The following SYT1 variants were observed in gnomAD, a reference collection of about 807,000 sequenced individuals.
SYT1 encodes the protein synaptotagmin-1.
In SYT1, 8 loss-of-function variants were observed where a neutral mutation model predicts 44.8. The observed-to-expected ratio is 0.18, with a 90% CI of 0.10 to 0.32. The LOEUF (loss-of-function observed/expected upper bound fraction) is 0.32. Ranked by LOEUF, SYT1 falls within the 10% of genes least tolerant of loss-of-function variation. The pLI is 1.00. For missense variants in SYT1, 286 were observed against 509.3 expected (o/e 0.56, Z 4.22); for synonymous variants, 154 against 188.8 (o/e 0.82, Z 1.51).
At chr12:79,193,717 C>G (rs1463009744) in intron 3 of SYT1, among the ~76,000 whole-genome samples, 1 of 150,466 alleles carries the variant, frequency 6.6e-6, no homozygotes, top group East Asian at 1.9e-4. Context: ...AGTGAGAACC[C>G]CATCTCTAAG....
At chr12:79,367,582 C>G (rs954933087) in intron 9 of SYT1, among the ~76,000 whole-genome samples, 24 of 152,058 alleles carry the variant, frequency 1.6e-4, no homozygotes, top group Non-Finnish European at 2.9e-4. Flanking sequence ...TACATGCTTG[C>G]ATCCAAACAC....
intron 8 of SYT1, among the ~76,000 whole-genome samples, chr12:79,351,635 ATATTT>A (rs1882909168): frequency 6.6e-6 from 1 of 151,918 alleles, no homozygotes; most frequent in African/African-American, 2.4e-5. Flanking sequence ...AAATTTGTCC[ATATTT>A]TATATTAATT....
At chr12:79,149,416 T>C (rs1870124908) in intron 3 of SYT1, among the ~76,000 whole-genome samples, 1 of 152,188 alleles carries the variant, frequency 6.6e-6, no homozygotes, top group South Asian at 2.1e-4. Context: ...GATTTATTAA[T>C]CTGCAAGTTC....
rs1871018146 is a variant in SYT1 at position 79,450,842 on chromosome 12, G to C, written c.*1718G>C. The C allele has an allele frequency of 6.6e-6, 1 of 152,646 alleles. No homozygotes were observed. The highest frequency in any genetic ancestry group is 1.5e-5 in the Non-Finnish European group (1 of 68,046). The allele number at this position is 152,646 out of a possible 1,614,324, so 9.5% of individuals were successfully genotyped here. On this transcript the variant is annotated 3_prime_UTR_variant, in exon 11 of 11. Transcript: ENST00000261205. The stretch of plus-strand genomic sequence containing the variant: ...TTCCATATTTTTCCCCACTATGGTA[G>C]ACAACCATTTCGTGGAAGGGCAGCC...
At chr12:79,448,779 T>G in intron 10 of SYT1, 139 bp from the exon 11 acceptor site, 2 of 732,610 alleles carry the variant, frequency 2.7e-6, no homozygotes, top group Non-Finnish European at 4.6e-6. Flanking sequence ...AGTATTAAGA[T>G]TCAAGTCATT....
intron 3 of SYT1, among the ~76,000 whole-genome samples, chr12:79,180,404 A>G (rs1872453607): frequency 6.6e-6 from 1 of 152,112 alleles, no homozygotes; most frequent in African/African-American, 2.4e-5. Flanking sequence ...GTAATCATTT[A>G]AAGCTTTAGT....
intron 3 of SYT1, among the ~76,000 whole-genome samples, chr12:79,216,090 C>A (rs1361481383): frequency 6.6e-6 from 1 of 151,794 alleles, no homozygotes; most frequent in Admixed American, 6.6e-5. Context: ...TGCCACCACA[C>A]CTGACTAATT....
chr12:79,108,094 C>CT (rs897338477), intron 3 of SYT1, among the ~76,000 whole-genome samples: 1 of 151,392 alleles, frequency 6.6e-6, no homozygotes, highest in East Asian at 1.9e-4. Context: ...AATGACATTA[C>CT]TTTTTTTTAA....
chr12:79,341,660 CTTTTTTTT>C (rs34759181), intron 8 of SYT1, among the ~76,000 whole-genome samples: 6 of 63,042 alleles, frequency 9.5e-5, no homozygotes, highest in African/African-American at 4.3e-4. Flanking sequence ...TACATTCATT[CTTTTTTTT>C]TTTTTTTTTT....
At chr12:79,402,139 T>A (rs11608780) in intron 9 of SYT1, among the ~76,000 whole-genome samples, 20,836 of 151,414 alleles carry the variant, frequency 0.14, 1,859 homozygotes, top group Middle Eastern at 0.35. Context: ...ACCCTTTGGC[T>A]TGAGTCAGTC....
At chr12:79,308,297 G>A (rs903529997) in intron 8 of SYT1, among the ~76,000 whole-genome samples, 3 of 152,074 alleles carry the variant, frequency 2.0e-5, no homozygotes, top group African/African-American at 7.2e-5. Flanking sequence ...GGCCGAGACG[G>A]GAGAATCACC....
intron 3 of SYT1, among the ~76,000 whole-genome samples, chr12:79,107,531 T>C (rs1878785444): frequency 6.6e-6 from 1 of 151,972 alleles, no homozygotes; most frequent in South Asian, 2.1e-4. Context: ...TCAATGAATT[T>C]GATAAAGTTT....
chr12:79,255,428 A>G (rs1307355689), intron 4 of SYT1, among the ~76,000 whole-genome samples: 2 of 152,222 alleles, frequency 1.3e-5, no homozygotes, highest in African/African-American at 2.4e-5. Flanking sequence ...CAGAACTTTT[A>G]TATGCACTGT....
intron 4 of SYT1, among the ~76,000 whole-genome samples, chr12:79,238,226 T>C (rs1876301669): frequency 6.7e-6 from 1 of 150,174 alleles, no homozygotes; most frequent in African/African-American, 2.5e-5. Flanking sequence ...CTAAGAACTT[T>C]TAATGCCATC....
At chr12:79,040,733 C>T (rs1456076912) in intron 2 of SYT1, among the ~76,000 whole-genome samples, 1 of 152,138 alleles carries the variant, frequency 6.6e-6, no homozygotes, top group Non-Finnish European at 1.5e-5. Context: ...CCTAAGTTTT[C>T]TTCTAGGGTT....
chr12:79,015,249 T>A (rs1871729912), intron 2 of SYT1, among the ~76,000 whole-genome samples: 2 of 152,036 alleles, frequency 1.3e-5, no homozygotes, highest in Admixed American at 1.3e-4. Flanking sequence ...AAATGCATTC[T>A]AAAACTTTGA....
chr12:79,207,285 T>G (rs1430250650), intron 3 of SYT1, among the ~76,000 whole-genome samples: 2 of 152,240 alleles, frequency 1.3e-5, no homozygotes, highest in African/African-American at 4.8e-5. Context: ...TTTCATACTT[T>G]GAGTACATCT....
chr12:79,258,971 TAGAA>T (rs944815348), intron 4 of SYT1, among the ~76,000 whole-genome samples: 4 of 152,254 alleles, frequency 2.6e-5, no homozygotes, highest in South Asian at 4.1e-4. Context: ...CAAGAAGAAA[TAGAA>T]AGAGTTAACT....
intron 2 of SYT1, among the ~76,000 whole-genome samples, chr12:79,024,924 A>G (rs1022368852): frequency 1.3e-5 from 2 of 151,812 alleles, no homozygotes; most frequent in African/African-American, 4.8e-5. Context: ...TTTTCAGGAT[A>G]GCAGGTACTT....
Sources: allele counts gnomAD v4.1 joint callset (sites outside exome capture counted in the v4.1 genomes callset), GRCh38; gene constraint gnomAD v4.1.1; transcripts MANE v1.5; gene names NCBI Gene and HGNC (gene_info 2026-07-23, HGNC 2026-07-21).